TXNDC16: variants seen among roughly 807,000 people sequenced by gnomAD.
TXNDC16 encodes thioredoxin domain-containing protein 16.
In TXNDC16, 74 loss-of-function variants were observed where a neutral mutation model predicts 85.6. The observed-to-expected ratio is 0.86, with a 90% confidence interval of 0.72 to 1.05. The LOEUF is 1.05. Ranked by LOEUF, TXNDC16 falls within the 50% of genes least tolerant of loss-of-function variation. The probability of loss-of-function intolerance (pLI) is 0.00; values close to 1 mark genes in which losing one functional copy is unlikely to be tolerated. For missense variants in TXNDC16, 959 were observed against 947.0 expected, an observed-to-expected ratio of 1.01 and a Z score of -0.17; for synonymous variants, 335 against 326.5, an observed-to-expected ratio of 1.03 and a Z score of -0.28.
chr14:52,436,899 T>C (rs951448578), intron 20 of TXNDC16, among the ~76,000 whole-genome samples: 5 of 152,056 alleles, frequency 3.3e-5, no homozygotes, highest in African/African-American at 7.2e-5. Context: ...CATGGAACAG[T>C]ATCAAAATAT....
At chr14:52,488,835 A>AAAAAAC (rs1555337753) in intron 11 of TXNDC16, among the ~76,000 whole-genome samples, 12 of 126,112 alleles carry the variant, frequency 9.5e-5, no homozygotes, top group African/African-American at 1.7e-4. Flanking sequence ...CTCTGGGAAA[A>AAAAAAC]AAAAAAAAAA....
intron 17 of TXNDC16, 48 bp from the exon 18 acceptor site, chr14:52,455,510 CA>C: frequency 6.2e-7 from 1 of 1,605,398 alleles, no homozygotes. Flanking sequence ...TCTAGCATGT[CA>C]AAAACATGAA....
intron 14 of TXNDC16, among the ~76,000 whole-genome samples, chr14:52,474,789 G>T (rs1169798581): frequency 2.0e-5 from 3 of 151,998 alleles, no homozygotes; most frequent in Non-Finnish European, 4.4e-5. Context: ...CCCTCACTCA[G>T]TAATAATCAA....
chr14:52,451,009 G>A (rs767631990), intron 18 of TXNDC16, among the ~76,000 whole-genome samples: 4 of 151,786 alleles, frequency 2.6e-5, no homozygotes, highest in Non-Finnish European at 4.4e-5. Flanking sequence ...ATTATTCTAA[G>A]TAAAGTAACT....
intron 11 of TXNDC16, among the ~76,000 whole-genome samples, chr14:52,489,684 A>T (rs2036355976): frequency 6.6e-6 from 1 of 152,226 alleles, no homozygotes; most frequent in South Asian, 2.1e-4. Flanking sequence ...ATTTTTACAA[A>T]GTGGACACAC....
chr14:52,535,413 G>A (rs909691207), intron 6 of TXNDC16, among the ~76,000 whole-genome samples: 2 of 152,110 alleles, frequency 1.3e-5, no homozygotes, highest in African/African-American at 4.8e-5. Flanking sequence ...TATTGGGACT[G>A]GAACATTTGT....
At chr14:52,475,061 G>A (rs2035990175) in intron 14 of TXNDC16, among the ~76,000 whole-genome samples, 1 of 152,152 alleles carries the variant, frequency 6.6e-6, no homozygotes, top group East Asian at 1.9e-4. Context: ...GAACCTAAAG[G>A]TCTAGATTAC....
intron 1 of TXNDC16, among the ~76,000 whole-genome samples, chr14:52,551,737 G>A (rs935851936): frequency 5.3e-5 from 8 of 151,982 alleles, no homozygotes; most frequent in African/African-American, 1.9e-4. Context: ...CTTCACAGCA[G>A]TAACACAGCA....
chr14:52,453,439 A>G (rs1391294738), intron 18 of TXNDC16, among the ~76,000 whole-genome samples: 1 of 152,236 alleles, frequency 6.6e-6, no homozygotes, highest in African/African-American at 2.4e-5. Flanking sequence ...GTCCATCAAC[A>G]GATGAATGAA....
At chr14:52,498,927 C>G (rs1356601606) in intron 9 of TXNDC16, among the ~76,000 whole-genome samples, 5 of 152,064 alleles carry the variant, frequency 3.3e-5, no homozygotes, top group African/African-American at 7.2e-5. Context: ...AAATATATTA[C>G]AAAGCTACAG....
At chr14:52,470,325 G>T in intron 15 of TXNDC16, 152 bp from the exon 16 acceptor site, 1 of 916,802 alleles carries the variant, frequency 1.1e-6, no homozygotes, top group Non-Finnish European at 1.6e-6. Context: ...AAGAAAATCA[G>T]ACTCATTAAA....
intron 8 of TXNDC16, among the ~76,000 whole-genome samples, chr14:52,511,839 C>T (rs2036963515): frequency 6.6e-6 from 1 of 152,102 alleles, no homozygotes; most frequent in East Asian, 1.9e-4. Context: ...TCAGCCAAAA[C>T]ATTCTAAAAT....
intron 18 of TXNDC16, among the ~76,000 whole-genome samples, chr14:52,445,458 C>T (rs1190409325): frequency 2.0e-5 from 3 of 152,148 alleles, no homozygotes; most frequent in Admixed American, 2.0e-4. Flanking sequence ...CATTTAGCAT[C>T]TATAGCTAAT....
chr14:52,496,705 C>T (rs529241917), intron 9 of TXNDC16, among the ~76,000 whole-genome samples: 3 of 151,368 alleles, frequency 2.0e-5, no homozygotes, highest in African/African-American at 7.3e-5. Context: ...TCCCCAGGCT[C>T]AGGTGATCCT....
At chr14:52,523,434 A>C (rs1332028532) in intron 6 of TXNDC16, among the ~76,000 whole-genome samples, 1 of 152,186 alleles carries the variant, frequency 6.6e-6, no homozygotes, top group Non-Finnish European at 1.5e-5. Flanking sequence ...TTTGTATTAC[A>C]TTTCTGTCAT....
intron 12 of TXNDC16, among the ~76,000 whole-genome samples, chr14:52,483,446 G>T (rs2036195008): frequency 6.6e-6 from 1 of 152,172 alleles, no homozygotes; most frequent in Admixed American, 6.5e-5. Flanking sequence ...AGATTGGGAA[G>T]CCCAAAGTCT....
rs1293172600 is a variant in TXNDC16 at position 52,452,993 on chromosome 14, A to T, written c.1842+2331T>A. On this transcript the variant is annotated intron_variant, in intron 18 of 20. Coordinates refer to ENST00000281741, the MANE Select transcript of TXNDC16 (RefSeq NM_020784.3). ...ACTGATACAACTCTGTATCAGTAGGAAAAAATCTGATTTAAAAAATGGGCA... is the reference window on the plus strand; with the variant it reads ...ACTGATACAACTCTGTATCAGTAGGTAAAAATCTGATTTAAAAAATGGGCA... Among the ~76,000 whole-genome samples the T allele has an allele frequency of 2.6e-5, 4 of 152,316 alleles. No homozygotes were observed. The South Asian group carries it at 8.3e-4, about 32-fold the overall frequency.
chr14:52,530,252 A>AATAATATATATAT lies in TXNDC16; in HGVS notation c.392+6466_392+6467insATATATATATTAT, dbSNP rs1566581807. On this transcript the variant is annotated intron_variant, in intron 6 of 20. Transcript: ENST00000281741. ...TATTACATATAATAATATATAATATATATTATATAATATATATTATTATTT... is the reference window on the plus strand; with the variant it reads ...TATTACATATAATAATATATAATATAATAATATATATATTATTATATAATATATATTATTATTT... 4.3e-3 allele frequency among the ~76,000 whole-genome samples: 161 copies of AATAATATATATAT among 37,562 alleles called. 2 individuals carry two copies. The highest frequency in any genetic ancestry group is 0.028 in the African/African-American group (158 of 5,702). 24.6% of individuals were successfully genotyped at this position (37,562 alleles called of 152,430 possible).
At chr14:52,530,417 A>T (rs1238099591) in intron 6 of TXNDC16, among the ~76,000 whole-genome samples, 6 of 21,444 alleles carry the variant, frequency 2.8e-4, no homozygotes, top group African/African-American at 1.3e-3. Flanking sequence ...ATTATTATAT[A>T]ATATTATATA....
Sources: gnomAD v4.1 joint callset for allele counts (sites outside exome capture counted in the v4.1 genomes callset) on GRCh38, gnomAD v4.1.1 for gene constraint, MANE v1.5 for transcripts, NCBI Gene and HGNC (gene_info 2026-07-23, HGNC 2026-07-21) for gene names.